The following SNAPC4 variants were observed in gnomAD, a reference collection of about 807,000 sequenced individuals.
The protein encoded by SNAPC4 is small nuclear RNA activating complex polypeptide 4, also known as snRNA-activating protein complex subunit 4.
In SNAPC4, 127 loss-of-function variants were observed where a neutral mutation model predicts 151.3. That is an observed-to-expected ratio of 0.84 (90% confidence interval 0.73 to 0.97). The LOEUF (loss-of-function observed/expected upper bound fraction) is 0.97, where lower values mean the gene tolerates loss of function less well. SNAPC4 is among the 50% of genes least tolerant of loss of function. The pLI is 0.00. For missense variants in SNAPC4, 2,186 were observed against 1,935.0 expected (o/e 1.13, Z -2.43); for synonymous variants, 1,002 against 824.4 (o/e 1.22, Z -3.69).
rs1833793715 is a variant in SNAPC4 at position 136,383,745 on chromosome 9, T to C, written c.1501-77A>G. The C allele has an allele frequency of 3.2e-6, 5 of 1,539,402 alleles. No homozygotes were observed. In the South Asian group the frequency reaches 6.2e-5, roughly 19 times the overall value. On this transcript the variant is annotated intron_variant, in intron 15 of 23. Transcript: ENST00000684778. This position sits in a 1 kb window ranked among gnomAD's most constrained non-coding sequence, Gnocchi z 4.2. ...TGATGGCAGCAAGCAGGCCAGCCCTTTGGGGAGAGGCCCAAGCGGGGGCGC... is the reference window on the plus strand; with the variant it reads ...TGATGGCAGCAAGCAGGCCAGCCCTCTGGGGAGAGGCCCAAGCGGGGGCGC...
In SNAPC4 at chr9:136,392,792, AGAGGCAGAAGGG is replaced by A; in HGVS notation, c.633-27_633-16del. 1 of 1,610,172 alleles carries A rather than the reference AGAGGCAGAAGGG, an allele frequency of 6.2e-7. No individual in the cohort carries two copies. Among genetic ancestry groups the A allele is most frequent in the African/African-American group, 1.3e-5 (1 of 75,022 alleles). On this transcript the variant is annotated splice_polypyrimidine_tract_variant and intron_variant, in intron 7 of 23. Transcript: ENST00000684778. ...AGTACTCGAGCCTGCAAAGCAGAGC[AGAGGCAGAAGGG>A]CTGGGGCACGAGGGCTGCGGGGCGG...
At position 136,383,366 on chromosome 9, in the gene SNAPC4, G is replaced by C; in HGVS notation, c.1803C>G (p.Pro601=). 8 of 1,604,858 alleles carry C rather than the reference G, an allele frequency of 5.0e-6. No individual in the cohort carries two copies. Among genetic ancestry groups the C allele is most frequent in the Non-Finnish European group, 5.1e-6 (6 of 1,176,198 alleles). The change falls in exon 16 of 24, where the codon CCC becomes CCG. Residue 601 remains proline, a synonymous_variant. Transcript: ENST00000684778. This position sits in a 1 kb window ranked among gnomAD's most constrained non-coding sequence, Gnocchi z 4.2. ...CGCCCTGGCTGGCACTGGACCCCTT[G>C]GGAGGGCTGAGGGAGGCAGCGGGGC... ...LGGPAASLSP[P]KGSSASQGGS... is the part of the protein sequence containing the mutation.
intron 1 of SNAPC4, 111 bp from the exon 2 acceptor site, chr9:136,398,548 G>A: frequency 8.1e-7 from 1 of 1,230,628 alleles, no homozygotes; most frequent in East Asian, 2.4e-5. Context: ...TCGGCAGTGG[G>A]CACTGGGCTC....
At chr9:136,376,526 G>A in intron 22 of SNAPC4, 45 bp from the exon 23 acceptor site, 4 of 1,606,746 alleles carry the variant, frequency 2.5e-6, no homozygotes, top group South Asian at 1.1e-5. Flanking sequence ...ACACCCCCGA[G>A]CCATGATGGA....
chr9:136,378,549 A>C lies in SNAPC4; in HGVS notation c.3278T>G (p.Val1093Gly). 1 of 1,592,286 alleles carries C rather than the reference A, an allele frequency of 6.3e-7. No individual in the cohort carries two copies. The highest frequency in any genetic ancestry group is 1.1e-5 in the South Asian group (1 of 89,214). ...CCCTGCTGGCCTGGGAAGGCTCACCACAGCTGGTACAGGAACAGGGAGAAG... is the reference window on the plus strand; with the variant it reads ...CCCTGCTGGCCTGGGAAGGCTCACCCCAGCTGGTACAGGAACAGGGAGAAG... ...QGLLPVPVPA[V>G]VSLPRPAGTP... Residue 1093 changes from valine (V) to glycine (G), a missense_variant, in exon 22 of 24, where the codon GTG (valine) becomes GGG (glycine). Transcript: ENST00000684778.
At chr9:136,385,048 T>TA (rs1240552463) in intron 13 of SNAPC4, among the ~76,000 whole-genome samples, 1 of 152,174 alleles carries the variant, frequency 6.6e-6, no homozygotes, top group Non-Finnish European at 1.5e-5. Context: ...ACGTGTCCGA[T>TA]AAAGGACTTA....
chr9:136,381,151 C>T (rs1344201819), intron 19 of SNAPC4, among the ~76,000 whole-genome samples, 171 bp downstream of exon 19: 3 of 152,224 alleles, frequency 2.0e-5, no homozygotes, highest in African/African-American at 7.2e-5. Context: ...CTGTAGCCGG[C>T]ACCCCTTCCA....
rs2131471125 is a variant in SNAPC4 at position 136,383,053 on chromosome 9, C to T, written c.1983+133G>A. ...CCCCCCGACGCACAGCTGTCCAGAG[C>T]TCAGCCAGAAGTAGCACGTTCTGAT... is the stretch of plus-strand genomic sequence containing the variant. On this transcript the variant is annotated intron_variant, in intron 16 of 23. Coordinates refer to ENST00000684778, the MANE Select transcript of SNAPC4 (RefSeq NM_003086.4). The surrounding 1 kb of genome is among the most constrained non-coding windows in gnomAD (Gnocchi z 4.2). 5.1e-6 allele frequency: 7 copies of T among 1,372,906 alleles called. No individual in the cohort carries two copies. The highest frequency in any genetic ancestry group is 1.6e-5 in the South Asian group (1 of 62,944). The allele number at this position is 1,372,906 out of a possible 1,614,324, so 85.0% of individuals were successfully genotyped here.
intron 10 of SNAPC4, among the ~76,000 whole-genome samples, chr9:136,391,293 A>C (rs1023086643): frequency 6.6e-6 from 1 of 152,218 alleles, no homozygotes; most frequent in Non-Finnish European, 1.5e-5. Flanking sequence ...ATATTTGAAA[A>C]ATGGAGATTT....
rs118064930 is a variant in SNAPC4, at chr9:136,380,019, G to A, written c.2500-155C>T. On this transcript the variant is annotated intron_variant, in intron 20 of 23. Coordinates refer to ENST00000684778, the MANE Select transcript of SNAPC4 (RefSeq NM_003086.4). Reference sequence around the variant, plus strand: ...TCCCACACGCCTCTGTAGGAACTCCGGGGCCACAGAAGGAGCCAAGCATGT... The same window carrying A: ...TCCCACACGCCTCTGTAGGAACTCCAGGGCCACAGAAGGAGCCAAGCATGT... Among the ~76,000 whole-genome samples the A allele has an allele frequency of 6.6e-3, 1,012 of 152,298 alleles. 3 individuals carry two copies. Among genetic ancestry groups the A allele is most frequent in the Middle Eastern group, 0.01 (3 of 294 alleles).
chr9:136,379,708 GCT>G (rs1394912643), intron 21 of SNAPC4, 127 bp downstream of exon 21: 11 of 872,726 alleles, frequency 1.3e-5, no homozygotes, highest in African/African-American at 6.7e-5. Context: ...ACTCGAGGGA[GCT>G]CTGTCACCAG....
chr9:136,389,973 G>A (rs1006769201), intron 10 of SNAPC4, among the ~76,000 whole-genome samples: 2 of 152,182 alleles, frequency 1.3e-5, no homozygotes, highest in Non-Finnish European at 2.9e-5. Flanking sequence ...AAGCATGTCT[G>A]ACTATGTGTT....
At chr9:136,387,214 C>T (rs768760376) in intron 13 of SNAPC4, among the ~76,000 whole-genome samples, 16 of 152,214 alleles carry the variant, frequency 1.1e-4, no homozygotes, top group African/African-American at 3.9e-4. Context: ...CAGGAAAAGC[C>T]GCCCAGGGAG....
chr9:136,392,636 TG>T lies in SNAPC4; in HGVS notation c.737+36del, dbSNP rs751480154. On this transcript the variant is annotated intron_variant, in intron 8 of 23. Transcript: ENST00000684778. ...GGGTATTGGCACCACGCCTGGCTTG[TG>T]GGCTCCCCTGGGCCCTCCCGGGAGG... is the stretch of plus-strand genomic sequence containing the variant. 3.1e-6 allele frequency: 5 copies of T among 1,613,286 alleles called. No individual in the cohort carries two copies. In the Admixed American group the frequency reaches 8.3e-5, roughly 27 times the overall value.
In SNAPC4 at chr9:136,383,625, C is replaced by T. The variant is rs750572259; in HGVS notation, c.1544G>A (p.Ser515Asn). 6.2e-7 allele frequency: 1 copy of T among 1,611,120 alleles called. No individual in the cohort carries two copies. The highest frequency in any genetic ancestry group is 2.2e-5 in the East Asian group (1 of 44,840). Reference protein sequence around the residue: ...LRRRRRRARHSVRWSSTSSSG... With the variant: ...LRRRRRRARHNVRWSSTSSSG... ...GCTGCTGGTAGAGCTCCACCGGACG[C>T]TGTGACGGGCCCTCCGCCGCCGCCT... The change falls in exon 16 of 24, where the codon AGC becomes AAC. Residue 515 changes from serine to asparagine, a missense_variant. Transcript: ENST00000684778. This position sits in a 1 kb window ranked among gnomAD's most constrained non-coding sequence, Gnocchi z 4.2.
intron 9 of SNAPC4, 46 bp from the exon 10 acceptor site, chr9:136,392,152 G>A (rs1414838193): frequency 6.2e-7 from 1 of 1,605,590 alleles, no homozygotes; most frequent in Non-Finnish European, 8.5e-7. Context: ...TGACCCCAGG[G>A]GCACCCTAGA....
In SNAPC4 at chr9:136,394,742, G is replaced by A. The variant is rs535328292; in HGVS notation, c.550+58C>T. ...ACTTGGGGAGAAACTGGGGAAAGGA[G>A]GGCCATGGGGAGGTGTCCCAAGCTC... On this transcript the variant is annotated intron_variant, in intron 6 of 23. Transcript: ENST00000684778. 38 of 1,452,500 alleles carry A rather than the reference G, an allele frequency of 2.6e-5. No individual in the cohort carries two copies. The East Asian group carries it at 8.2e-4, about 31-fold the overall frequency. 90.0% of individuals were successfully genotyped at this position (1,452,500 alleles called of 1,614,324 possible). A position where few individuals can be genotyped will look rare whatever the true frequency, so the allele number is the denominator to read the frequency against.
At chr9:136,377,421 C>A in intron 22 of SNAPC4, 122 bp downstream of exon 22, 1 of 1,272,630 alleles carries the variant, frequency 7.9e-7, no homozygotes, top group Non-Finnish European at 1.0e-6. Context: ...TCCTAAGACA[C>A]CCAGCAGCCA....
rs1165928544 is a variant in SNAPC4, at chr9:136,383,966, T to C, written c.1487A>G (p.Lys496Arg). 6.2e-7 allele frequency: 1 copy of C among 1,613,326 alleles called. No homozygotes were observed. The highest frequency in any genetic ancestry group is 8.5e-7 in the Non-Finnish European group (1 of 1,179,656). The change falls in exon 15 of 24, where the codon AAG (lysine) becomes AGG (arginine). Residue 496 changes from lysine to arginine, a missense_variant. Physicochemically the swap from Lys to Arg is conservative, Grantham distance 26. Coordinates refer to ENST00000684778, the MANE Select transcript of SNAPC4 (RefSeq NM_003086.4). The surrounding 1 kb of genome is among the most constrained non-coding windows in gnomAD (Gnocchi z 4.2). Reference protein sequence around the residue: ...RSGSQCLSKWKIMMGKKQGLR... With the variant: ...RSGSQCLSKWRIMMGKKQGLR... The stretch of plus-strand genomic sequence containing the variant: ...CGAGTGGCTCACCCCCATCATGATC[T>C]TCCACTTGCTCAGACACTGGGAGCC...
Sources: allele counts gnomAD v4.1 joint callset (sites outside exome capture counted in the v4.1 genomes callset), GRCh38; gene constraint gnomAD v4.1.1; non-coding constraint Gnocchi (gnomAD v3.1); transcripts MANE v1.5; gene names NCBI Gene and HGNC (gene_info 2026-07-23, HGNC 2026-07-21).